Variants in FOXP2 observed in about 807,000 individuals in gnomAD.
The protein encoded by FOXP2 is forkhead box P2.
In FOXP2, 12 loss-of-function variants were observed where a neutral mutation model predicts 115.8. The ratio of observed to expected loss-of-function variants is 0.10; its 90% CI spans 0.07 to 0.17. The LOEUF (loss-of-function observed/expected upper bound fraction) is 0.17, where lower values mean the gene tolerates loss of function less well. Ranked by LOEUF, FOXP2 falls within the 10% of genes least tolerant of loss-of-function variation. FOXP2 has a pLI of 1.00. For missense variants in FOXP2, 629 were observed against 843.5 expected (o/e 0.75, Z 3.15); for synonymous variants, 328 against 297.7 (o/e 1.10, Z -1.05).
At chr7:114,314,883 G>T (rs1015536164) in intron 2 of FOXP2, among the ~76,000 whole-genome samples, 1 of 152,118 alleles carries the variant, frequency 6.6e-6, no homozygotes, top group Non-Finnish European at 1.5e-5. Context: ...AATGGATAAA[G>T]TAATGCTGCT....
chr7:114,556,539 A>G (rs1800464166), intron 3 of FOXP2, among the ~76,000 whole-genome samples: 1 of 152,220 alleles, frequency 6.6e-6, no homozygotes, highest in Non-Finnish European at 1.5e-5. Flanking sequence ...AAAAATTATA[A>G]TATGATAGTG....
chr7:114,463,546 G>T (rs1023065424), intron 2 of FOXP2, among the ~76,000 whole-genome samples: 1 of 152,152 alleles, frequency 6.6e-6, no homozygotes, highest in African/African-American at 2.4e-5. Flanking sequence ...AAATGTATTT[G>T]ATTATAAGTG....
At chr7:114,310,656 T>TTTG (rs370289479) in intron 2 of FOXP2, among the ~76,000 whole-genome samples, 157 of 151,816 alleles carry the variant, frequency 1.0e-3, no homozygotes, top group African/African-American at 1.5e-3. Flanking sequence ...AGATTCTGTG[T>TTTG]TTGTTGTTGT....
At chr7:114,549,547 C>T (rs1800098325) in intron 3 of FOXP2, among the ~76,000 whole-genome samples, 2 of 152,130 alleles carry the variant, frequency 1.3e-5, no homozygotes, top group South Asian at 4.1e-4. Context: ...CCAGCCAAAC[C>T]AGGATTATTC....
chr7:114,215,637 G>A (rs920509612), intron 1 of FOXP2, among the ~76,000 whole-genome samples: 2 of 151,356 alleles, frequency 1.3e-5, no homozygotes, highest in African/African-American at 4.9e-5. Flanking sequence ...TGTGTACTTA[G>A]CATTGGTTAA....
intron 2 of FOXP2, among the ~76,000 whole-genome samples, chr7:114,331,455 G>A (rs944098365): frequency 2.2e-4 from 34 of 152,174 alleles, no homozygotes; most frequent in Admixed American, 2.0e-4. Context: ...CTAAGATTAA[G>A]CACTAAGATG....
chr7:114,409,752 A>T (rs1584702101), upstream of FOXP2, among the ~76,000 whole-genome samples: 1 of 152,094 alleles, frequency 6.6e-6, no homozygotes, highest in South Asian at 2.1e-4. Flanking sequence ...CTATCTCTTC[A>T]TACATTTTAT....
At chr7:114,194,855 CTAT>C (rs1184151159) in intron 1 of FOXP2, among the ~76,000 whole-genome samples, 5 of 152,130 alleles carry the variant, frequency 3.3e-5, no homozygotes, top group African/African-American at 1.2e-4. Context: ...ATTTATAATA[CTAT>C]TAAGAACACA....
At chr7:114,492,581 G>T (rs1357295887) in intron 2 of FOXP2, among the ~76,000 whole-genome samples, 1 of 151,916 alleles carries the variant, frequency 6.6e-6, no homozygotes, top group East Asian at 1.9e-4. Context: ...ACACTGCTTT[G>T]AATGTGTCCC....
intron 2 of FOXP2, among the ~76,000 whole-genome samples, chr7:114,354,416 A>G (rs773965201): frequency 6.6e-6 from 1 of 152,076 alleles, no homozygotes; most frequent in Non-Finnish European, 1.5e-5. Flanking sequence ...ATCTATATCT[A>G]TATCTGTCCT....
At chr7:114,477,223 G>T (rs576748520) in intron 2 of FOXP2, among the ~76,000 whole-genome samples, 1 of 151,844 alleles carries the variant, frequency 6.6e-6, no homozygotes, top group South Asian at 2.1e-4. Context: ...TCATTGTTAC[G>T]CTATTCACAA....
intron 3 of FOXP2, among the ~76,000 whole-genome samples, chr7:114,547,483 C>G (rs868298031): frequency 6.6e-6 from 1 of 152,116 alleles, no homozygotes; most frequent in Non-Finnish European, 1.5e-5. Flanking sequence ...ATTGGCCCAG[C>G]GCTGTGGCTC....
chr7:114,636,451 T>C (rs575294339), intron 6 of FOXP2, among the ~76,000 whole-genome samples: 1 of 152,266 alleles, frequency 6.6e-6, no homozygotes, highest in African/African-American at 2.4e-5. Flanking sequence ...CTACCAAAAC[T>C]CACTTTTATT....
intron 1 of FOXP2, among the ~76,000 whole-genome samples, chr7:114,115,953 T>C (rs934655779): frequency 6.6e-6 from 1 of 152,194 alleles, no homozygotes; most frequent in Non-Finnish European, 1.5e-5. Context: ...CCTGAATGAA[T>C]TTAAAGTGCC....
intron 2 of FOXP2, among the ~76,000 whole-genome samples, chr7:114,315,822 G>A (rs781105004): frequency 1.6e-4 from 25 of 152,078 alleles, no homozygotes; most frequent in Non-Finnish European, 2.9e-4. Context: ...TGTGTTACGT[G>A]TATTTCTGTT....
At chr7:114,294,267 C>A (rs1362673199) in intron 2 of FOXP2, among the ~76,000 whole-genome samples, 2 of 152,154 alleles carry the variant, frequency 1.3e-5, no homozygotes, top group Non-Finnish European at 2.9e-5. Context: ...GATACTCATT[C>A]TTTGTAGAAG....
At chr7:114,624,537 G>A (rs1383017263) in intron 3 of FOXP2, among the ~76,000 whole-genome samples, 1 of 151,782 alleles carries the variant, frequency 6.6e-6, no homozygotes, top group Non-Finnish European at 1.5e-5. Context: ...GTTTAATTAA[G>A]GGACGCACTT....
intron 1 of FOXP2, among the ~76,000 whole-genome samples, chr7:114,140,682 C>T (rs917132121): frequency 3.3e-5 from 5 of 152,154 alleles, no homozygotes; most frequent in African/African-American, 1.2e-4. Flanking sequence ...GGTGGTGCCT[C>T]CAAACTTTAC....
At chr7:114,642,795 TATA>T (rs1805622619) in intron 7 of FOXP2, among the ~76,000 whole-genome samples, 172 bp downstream of exon 7, 1 of 38,590 alleles carries the variant, frequency 2.6e-5, no homozygotes, top group Non-Finnish European at 6.3e-5. Flanking sequence ...TATATATATA[TATA>T]TATATATATA....
Sources: allele counts gnomAD v4.1 joint callset (sites outside exome capture counted in the v4.1 genomes callset), GRCh38; gene constraint gnomAD v4.1.1; transcripts MANE v1.5; gene names NCBI Gene and HGNC (gene_info 2026-07-23, HGNC 2026-07-21).